MAPT: variants seen among roughly 807,000 people sequenced by gnomAD.
MAPT encodes the protein microtubule-associated protein tau.
Under a neutral mutation model 67.9 loss-of-function variants are expected in MAPT, and 34 were observed. The observed-to-expected ratio is 0.50, with a 90% confidence interval of 0.38 to 0.67. The LOEUF is 0.67. Among genes scored for constraint, MAPT ranks in the 30% least tolerant of loss-of-function variants. The pLI, the probability that MAPT is intolerant of heterozygous loss-of-function variation, is 0.00. For synonymous variants in MAPT, 456 were observed against 464.5 expected, an observed-to-expected ratio of 0.98 and a Z score of 0.23; for missense variants, 881 against 1,115.2, an observed-to-expected ratio of 0.79 and a Z score of 2.99.
chr17:45,944,138 T>C (rs2068243202), intron 1 of MAPT, among the ~76,000 whole-genome samples: 1 of 152,194 alleles, frequency 6.6e-6, no homozygotes, highest in Non-Finnish European at 1.5e-5. Context: ...ATGCATTTTT[T>C]TCTAGTGACA....
intron 1 of MAPT, among the ~76,000 whole-genome samples, chr17:45,939,992 C>T (rs1054081367): frequency 1.3e-5 from 2 of 152,174 alleles, no homozygotes; most frequent in East Asian, 1.9e-4. Context: ...CAGATAATTA[C>T]CCCCTCCCCA....
chr17:45,986,956 G>A, intron 5 of MAPT, 84 bp from the exon 6 acceptor site: 1 of 1,235,930 alleles, frequency 8.1e-7, no homozygotes, highest in Non-Finnish European at 1.2e-6. Context: ...ACCTATCCCA[G>A]AGAAATCCAG....
At chr17:45,946,615 A>AAAAAAAAAAAAATATATATATATAT in intron 1 of MAPT, among the ~76,000 whole-genome samples, 52 of 100,288 alleles carry the variant, frequency 5.2e-4, no homozygotes, top group Non-Finnish European at 7.6e-4. Flanking sequence ...AAAAAAAAAA[A>AAAAAAAAAAAAATATATATATATAT]ATATATATAT....
At chr17:45,986,910 A>G (rs2145702014) in intron 5 of MAPT, 130 bp from the exon 6 acceptor site, 2 of 750,104 alleles carry the variant, frequency 2.7e-6, no homozygotes, top group East Asian at 2.8e-5. Flanking sequence ...AAGAGAACCA[A>G]CTGGGTTTCC....
chr17:45,978,272 T>G (rs754513), intron 3 of MAPT, 103 bp from the exon 4 acceptor site: 2 of 915,336 alleles, frequency 2.2e-6, no homozygotes, highest in Non-Finnish European at 3.7e-6. Flanking sequence ...GTGACTTTCC[T>G]GAATGTTTAA....
intron 1 of MAPT, among the ~76,000 whole-genome samples, chr17:45,958,102 A>G (rs1358591302): frequency 6.6e-6 from 1 of 152,178 alleles, no homozygotes; most frequent in Non-Finnish European, 1.5e-5. Flanking sequence ...ATATTTGGGG[A>G]GAAACTTTTC....
chr17:45,956,903 C>T (rs2145213236), intron 1 of MAPT, among the ~76,000 whole-genome samples: 1 of 151,878 alleles, frequency 6.6e-6, no homozygotes, highest in East Asian at 1.9e-4. Flanking sequence ...CAGCTTCATC[C>T]ATGTCCCTAC....
At chr17:45,918,355 G>A (rs2065387006) in intron 1 of MAPT, among the ~76,000 whole-genome samples, 1 of 152,202 alleles carries the variant, frequency 6.6e-6, no homozygotes, top group African/African-American at 2.4e-5. Context: ...AAGATGTGGT[G>A]GAAAGGGCCC....
At chr17:45,962,579 G>A in intron 2 of MAPT, 109 bp downstream of exon 2, 1 of 1,394,440 alleles carries the variant, frequency 7.2e-7, no homozygotes. Context: ...TATTGTCTTA[G>A]ACTGTCAGTA....
chr17:45,916,097 C>T (rs1342589340), intron 1 of MAPT, among the ~76,000 whole-genome samples: 2 of 152,208 alleles, frequency 1.3e-5, no homozygotes, highest in East Asian at 3.9e-4. Context: ...TCCCGCTTTT[C>T]AGCTCATCCC....
At chr17:46,014,691 A>G (rs896321001) in intron 11 of MAPT, among the ~76,000 whole-genome samples, 10 of 152,082 alleles carry the variant, frequency 6.6e-5, no homozygotes, top group East Asian at 1.9e-4. Context: ...TGGCTAACAC[A>G]GTGAAACCCC....
intron 9 of MAPT, among the ~76,000 whole-genome samples, chr17:46,002,096 T>A (rs1479858872): frequency 6.6e-6 from 1 of 152,100 alleles, no homozygotes; most frequent in Non-Finnish European, 1.5e-5. Flanking sequence ...TGTTCAGCAC[T>A]AAGGGGTGTG....
Position 45,983,926 on chromosome 17 carries a change from C to G in MAPT, c.1347C>G (p.Leu449=), listed in dbSNP as rs907474340. 1.3e-6 allele frequency: 2 copies of G among 1,563,252 alleles called. No homozygotes were observed. Among genetic ancestry groups the G allele is most frequent in the African/African-American group, 2.8e-5 (2 of 72,444 alleles). ...RGKPVSRVPQ[L]KARMVSKSKD... ...AGCCCGTCAGCCGGGTCCCTCAACT[C>G]AAAGGTCTGTGTCTTGAGCTTCTTC... The change falls in exon 5 of 13, where the codon CTC becomes CTG. Residue 449 remains leucine, a synonymous_variant. Coordinates refer to ENST00000262410, the MANE Select transcript of MAPT (RefSeq NM_001377265.1).
In MAPT at chr17:45,999,413, A is replaced by T. The variant is rs2074798869; in HGVS notation, c.1998+2749A>T. On this transcript the variant is annotated intron_variant, in intron 9 of 12. Transcript: ENST00000262410. ...GAGTGGATGATTCAGGTTGCCAGAG[A>T]CAGAACCCTCAGCTTAGCATGGGAA... 1.2e-6 allele frequency: 2 copies of T among 1,613,910 alleles called. No homozygotes were observed. Among genetic ancestry groups the T allele is most frequent in the Non-Finnish European group, 1.7e-6 (2 of 1,179,902 alleles).
At chr17:45,998,223 G>A (rs2074668413) in intron 9 of MAPT, among the ~76,000 whole-genome samples, 1 of 152,178 alleles carries the variant, frequency 6.6e-6, no homozygotes, top group Non-Finnish European at 1.5e-5. Context: ...TGGGCACCTT[G>A]CCTCAAACCC....
intron 9 of MAPT, among the ~76,000 whole-genome samples, chr17:46,002,736 G>C (rs1193204659): frequency 1.3e-5 from 2 of 152,302 alleles, no homozygotes; most frequent in East Asian, 3.9e-4. Flanking sequence ...TAACTTTCTT[G>C]GTTCTGGGCC....
chr17:46,007,482 G>A (rs1293530277), intron 9 of MAPT, among the ~76,000 whole-genome samples: 1 of 151,960 alleles, frequency 6.6e-6, no homozygotes, highest in Non-Finnish European at 1.5e-5. Context: ...GTGAGAGCTT[G>A]TCTCTATTTT....
rs9898786 is a variant in MAPT at position 45,906,715 on chromosome 17, G to A, written c.-18+12029G>A. 0.11 allele frequency among the ~76,000 whole-genome samples: 16,363 copies of A among 152,032 alleles called. 921 individuals carry two copies. Among genetic ancestry groups the A allele is most frequent in the Middle Eastern group, 0.14 (40 of 294 alleles). On this transcript the variant is annotated intron_variant, in intron 1 of 12. Transcript: ENST00000262410. The surrounding 1 kb of genome is among the most constrained non-coding windows in gnomAD (Gnocchi z 4.3). The stretch of plus-strand genomic sequence containing the variant: ...GTGTCCAGTGGCCCCATAGCCTTGC[G>A]TTTTAGTAAAATGCTGCCCCCATTA...
chr17:46,005,787 G>A (rs1032006149), intron 9 of MAPT, among the ~76,000 whole-genome samples: 1 of 152,190 alleles, frequency 6.6e-6, no homozygotes, highest in African/African-American at 2.4e-5. Context: ...TCTCCTTGCT[G>A]GCAGGAGAGA....
Sources: allele counts gnomAD v4.1 joint callset (sites outside exome capture counted in the v4.1 genomes callset), GRCh38; gene constraint gnomAD v4.1.1; non-coding constraint Gnocchi (gnomAD v3.1); transcripts MANE v1.5; gene names NCBI Gene and HGNC (gene_info 2026-07-23, HGNC 2026-07-21).